The following TRIM9 variants were observed in gnomAD, a reference collection of about 807,000 sequenced individuals.
The protein encoded by TRIM9 is tripartite motif containing 9.
Under a neutral mutation model 78.3 loss-of-function variants are expected in TRIM9, and 26 were observed. That is an observed-to-expected ratio of 0.33 (90% CI 0.24 to 0.46). The LOEUF (loss-of-function observed/expected upper bound fraction) is 0.46. Among genes scored for constraint, TRIM9 ranks in the 20% least tolerant of loss-of-function variants. The pLI is 1.00. For missense variants in TRIM9, 787 were observed against 1,036.4 expected (o/e 0.76, Z 3.30); for synonymous variants, 398 against 416.5 (o/e 0.96, Z 0.54).
intron 1 of TRIM9, among the ~76,000 whole-genome samples, chr14:51,043,539 T>C (rs887278743): frequency 2.0e-5 from 3 of 152,118 alleles, no homozygotes; most frequent in African/African-American, 4.8e-5. Flanking sequence ...AATTAGTGTG[T>C]CCTCACCTAG....
Position 51,053,108 on chromosome 14 carries a change from C to T in TRIM9, c.823-27748G>A, listed in dbSNP as rs556212979. Reference sequence around the variant, plus strand: ...CCAGGAGGTGGAGGTTACAGTGAGCCGAGATTGTGCCACTGCATTCCAGCC... The same window carrying T: ...CCAGGAGGTGGAGGTTACAGTGAGCTGAGATTGTGCCACTGCATTCCAGCC... On this transcript the variant is annotated intron_variant, in intron 1 of 12. Transcript: ENST00000684578. Among the ~76,000 whole-genome samples the T allele has an allele frequency of 1.4e-3, 213 of 148,704 alleles. 1 individual carries two copies. Among genetic ancestry groups the T allele is most frequent in the Non-Finnish European group, 2.2e-3 (152 of 67,556 alleles).
At chr14:51,014,192 A>G (rs2056896686) in intron 3 of TRIM9, among the ~76,000 whole-genome samples, 1 of 152,224 alleles carries the variant, frequency 6.6e-6, no homozygotes, top group African/African-American at 2.4e-5. Flanking sequence ...TCCTCATAAA[A>G]TTCCACATTT....
intron 1 of TRIM9, among the ~76,000 whole-genome samples, chr14:51,025,604 C>T (rs1310635756): frequency 6.6e-6 from 1 of 152,186 alleles, no homozygotes; most frequent in Admixed American, 6.5e-5. Context: ...CAGCTGATAT[C>T]AACCTAGAAT....
intron 1 of TRIM9, among the ~76,000 whole-genome samples, chr14:51,093,700 C>G (rs911885589): frequency 1.3e-5 from 2 of 152,248 alleles, no homozygotes; most frequent in African/African-American, 4.8e-5. Flanking sequence ...CCGCCCCCAT[C>G]CCAGTCCCTC....
At chr14:50,988,532 A>G (rs1596106152) in intron 7 of TRIM9, among the ~76,000 whole-genome samples, 1 of 151,024 alleles carries the variant, frequency 6.6e-6, no homozygotes, top group South Asian at 2.1e-4. Flanking sequence ...CTTTCACTCT[A>G]ATCAGGCAAG....
At chr14:51,093,418 G>T (rs1350655335) in intron 1 of TRIM9, among the ~76,000 whole-genome samples, 1 of 152,230 alleles carries the variant, frequency 6.6e-6, no homozygotes, top group Non-Finnish European at 1.5e-5. Flanking sequence ...GCAAACTCCG[G>T]TCCTGACACT....
rs962378190 is a variant in TRIM9, at chr14:50,975,440, C to T, written c.*1851G>A. 1.3e-5 allele frequency: 2 copies of T among 152,594 alleles called. No homozygotes were observed. Among genetic ancestry groups the T allele is most frequent in the Non-Finnish European group, 2.9e-5 (2 of 68,032 alleles). The allele number at this position is 152,594 out of a possible 1,614,324, so 9.5% of individuals were successfully genotyped here. On this transcript the variant is annotated 3_prime_UTR_variant, in exon 13 of 13. Transcript: ENST00000684578. Reference sequence around the variant, plus strand: ...AGAGGAACTATGAGTCTACCACGGCCCAGCCATTGAGTCTCATTGGAGAGT... The same window carrying T: ...AGAGGAACTATGAGTCTACCACGGCTCAGCCATTGAGTCTCATTGGAGAGT...
chr14:50,991,660 G>A (rs1358991563), intron 7 of TRIM9, among the ~76,000 whole-genome samples: 2 of 152,196 alleles, frequency 1.3e-5, no homozygotes, highest in African/African-American at 4.8e-5. Context: ...CCTTGGAGGA[G>A]GCAGGAGGTA....
chr14:51,007,570 G>A (rs969718595), intron 5 of TRIM9, among the ~76,000 whole-genome samples: 3 of 152,136 alleles, frequency 2.0e-5, no homozygotes, highest in African/African-American at 7.2e-5. Context: ...CTAGCTGTGG[G>A]AGCTCAGGCA....
intron 3 of TRIM9, among the ~76,000 whole-genome samples, chr14:51,011,380 T>C (rs1402861348): frequency 6.6e-6 from 1 of 152,214 alleles, no homozygotes; most frequent in African/African-American, 2.4e-5. Context: ...TTTCCAAAGA[T>C]GGGGTCCTCC....
At chr14:51,053,577 TTTC>T (rs1353544352) in intron 1 of TRIM9, among the ~76,000 whole-genome samples, 4 of 113,560 alleles carry the variant, frequency 3.5e-5, no homozygotes, top group Admixed American at 1.8e-4. Context: ...ACTTTTTAAT[TTTC>T]TTTTTTTTTT....
At chr14:51,012,237 C>T (rs1006932072) in intron 3 of TRIM9, among the ~76,000 whole-genome samples, 14 of 152,210 alleles carry the variant, frequency 9.2e-5, no homozygotes, top group Non-Finnish European at 4.4e-5. Flanking sequence ...CCCATTTCCC[C>T]TTCCTCCCAG....
chr14:50,981,053 T>C (rs181346251), intron 11 of TRIM9, among the ~76,000 whole-genome samples: 1 of 151,762 alleles, frequency 6.6e-6, no homozygotes, highest in Non-Finnish European at 1.5e-5. Flanking sequence ...TGGACCAGGG[T>C]CCACAGTAGA....
intron 1 of TRIM9, among the ~76,000 whole-genome samples, chr14:51,049,143 C>T (rs1342272581): frequency 6.6e-6 from 1 of 152,136 alleles, no homozygotes; most frequent in Non-Finnish European, 1.5e-5. Flanking sequence ...CTCACTGCAG[C>T]CTCTGTCTCC....
intron 2 of TRIM9, among the ~76,000 whole-genome samples, chr14:51,023,313 A>T (rs937224674): frequency 2.0e-5 from 3 of 152,214 alleles, no homozygotes; most frequent in Non-Finnish European, 1.5e-5. Flanking sequence ...TCAAAAAGGC[A>T]ATGAGGAGGG....
At chr14:51,056,135 AT>A (rs1260128463) in intron 1 of TRIM9, among the ~76,000 whole-genome samples, 1 of 152,248 alleles carries the variant, frequency 6.6e-6, no homozygotes, top group African/African-American at 2.4e-5. Context: ...TGGTACAAAA[AT>A]TATGCATATG....
intron 3 of TRIM9, 68 bp downstream of exon 3, chr14:51,022,766 GC>G: frequency 6.3e-7 from 1 of 1,596,548 alleles, no homozygotes; most frequent in Non-Finnish European, 8.5e-7. Context: ...AATTCTCCCA[GC>G]CTGTCCATCA....
intron 8 of TRIM9, among the ~76,000 whole-genome samples, chr14:50,983,769 A>G (rs1320567444): frequency 6.6e-6 from 1 of 152,232 alleles, no homozygotes. Flanking sequence ...GCAACGGAGA[A>G]ATCACTGGAT....
intron 5 of TRIM9, among the ~76,000 whole-genome samples, chr14:51,006,246 C>T (rs1306171482): frequency 6.6e-6 from 1 of 152,202 alleles, no homozygotes; most frequent in Non-Finnish European, 1.5e-5. Context: ...GTTAGTTTCA[C>T]AATGGACGGA....
Sources: gnomAD v4.1 joint callset for allele counts (sites outside exome capture counted in the v4.1 genomes callset) on GRCh38, gnomAD v4.1.1 for gene constraint, MANE v1.5 for transcripts, NCBI Gene and HGNC (gene_info 2026-07-23, HGNC 2026-07-21) for gene names.